MAP2K4: variants seen among roughly 807,000 people sequenced by gnomAD.
MAP2K4 encodes dual specificity mitogen-activated protein kinase kinase 4.
A neutral mutation model predicts 48.5 loss-of-function variants in MAP2K4; 4 were observed. That is an observed-to-expected ratio of 0.08 (90% CI 0.04 to 0.19). The LOEUF (loss-of-function observed/expected upper bound fraction) is 0.19. Among genes scored for constraint, MAP2K4 ranks in the 10% least tolerant of loss-of-function variants. The probability of loss-of-function intolerance (pLI) is 1.00; values close to 1 mark genes in which losing one functional copy is unlikely to be tolerated. For synonymous variants in MAP2K4, 166 were observed against 173.1 expected, an observed-to-expected ratio of 0.96 and a Z score of 0.32; for missense variants, 258 against 493.3, an observed-to-expected ratio of 0.52 and a Z score of 4.52.
At chr17:12,060,915 T>TA (rs1970431889) in intron 2 of MAP2K4, among the ~76,000 whole-genome samples, 1 of 152,178 alleles carries the variant, frequency 6.6e-6, no homozygotes, top group South Asian at 2.1e-4. Context: ...CATCCATCTC[T>TA]AGAACTTTTT....
At chr17:12,123,080 T>C (rs1420212245) in intron 7 of MAP2K4, among the ~76,000 whole-genome samples, 1 of 152,340 alleles carries the variant, frequency 6.6e-6, no homozygotes, top group East Asian at 1.9e-4. Context: ...TTAATTGTCT[T>C]GTAATGACTT....
Position 12,142,480 on chromosome 17 carries a change from T to C in MAP2K4, c.*1220T>C. The C allele has an allele frequency of 8.6e-6, 2 of 232,972 alleles. No individual in the cohort carries two copies. The highest frequency in any genetic ancestry group is 1.7e-5 in the Non-Finnish European group (2 of 117,866). 14.4% of individuals were successfully genotyped at this position (232,972 alleles called of 1,614,324 possible). On this transcript the variant is annotated 3_prime_UTR_variant, in exon 11 of 11. Coordinates refer to ENST00000353533, the MANE Select transcript of MAP2K4 (RefSeq NM_003010.4). ...TAGCAGGGATGTTCCTTACCAAGGA[T>C]TTTTAGCCCCAAATCTCTCATATTC...
chr17:12,120,069 G>T (rs1172592233), intron 7 of MAP2K4, among the ~76,000 whole-genome samples: 1 of 152,180 alleles, frequency 6.6e-6, no homozygotes, highest in Non-Finnish European at 1.5e-5. Context: ...TAGTAACTGG[G>T]TGACCAAATG....
chr17:12,110,532 A>G, intron 6 of MAP2K4, 106 bp downstream of exon 6: 1 of 807,826 alleles, frequency 1.2e-6, no homozygotes. Flanking sequence ...TTCCTAAAAT[A>G]TTTGTATTTT....
intron 2 of MAP2K4, among the ~76,000 whole-genome samples, chr17:12,057,621 C>T (rs1333794858): frequency 6.6e-6 from 1 of 152,002 alleles, no homozygotes; most frequent in Non-Finnish European, 1.5e-5. Flanking sequence ...ACATTTCCTT[C>T]ATGTTTTTCC....
chr17:12,100,054 A>T (rs1477340614), intron 4 of MAP2K4, among the ~76,000 whole-genome samples: 2 of 152,070 alleles, frequency 1.3e-5, no homozygotes, highest in Non-Finnish European at 2.9e-5. Flanking sequence ...CAAGTTTTAA[A>T]TGCAGCTTAT....
chr17:12,066,380 C>T (rs909028966), intron 2 of MAP2K4, among the ~76,000 whole-genome samples: 5 of 152,162 alleles, frequency 3.3e-5, no homozygotes. Context: ...TGTCAGAATA[C>T]ATAATTTATA....
chr17:12,080,434 T>A (rs187029853), intron 2 of MAP2K4, among the ~76,000 whole-genome samples: 2 of 152,158 alleles, frequency 1.3e-5, no homozygotes, highest in Non-Finnish European at 2.9e-5. Context: ...AGAAACAGAT[T>A]GATTTTACAT....
intron 7 of MAP2K4, among the ~76,000 whole-genome samples, chr17:12,118,836 T>C (rs1476617287): frequency 1.3e-5 from 2 of 152,218 alleles, no homozygotes; most frequent in African/African-American, 2.4e-5. Context: ...CAGTCATGCC[T>C]GCTTGGCATA....
At chr17:12,055,976 T>TC in intron 2 of MAP2K4, among the ~76,000 whole-genome samples, 1 of 152,180 alleles carries the variant, frequency 6.6e-6, no homozygotes, top group Middle Eastern at 3.4e-3. Flanking sequence ...CAGCCTAGAG[T>TC]CCCACTCTTT....
At chr17:12,083,885 G>A (rs369704888) in intron 3 of MAP2K4, among the ~76,000 whole-genome samples, 2 of 152,132 alleles carry the variant, frequency 1.3e-5, no homozygotes, top group South Asian at 2.1e-4. Context: ...ACCATGAGAC[G>A]GTGGTTCACA....
intron 4 of MAP2K4, among the ~76,000 whole-genome samples, chr17:12,097,070 A>G (rs1971779704): frequency 1.3e-5 from 2 of 152,198 alleles, no homozygotes; most frequent in Admixed American, 1.3e-4. Flanking sequence ...TTGGACCTAA[A>G]TATTATGTAA....
At chr17:12,113,142 C>G (rs2151577527) in intron 6 of MAP2K4, 91 bp from the exon 7 acceptor site, 2 of 1,214,570 alleles carry the variant, frequency 1.6e-6, no homozygotes, top group Middle Eastern at 2.8e-4. Flanking sequence ...CTTATGTTGT[C>G]TAAGGTTTTT....
intron 1 of MAP2K4, among the ~76,000 whole-genome samples, chr17:12,024,173 T>C (rs984500910): frequency 6.6e-6 from 1 of 152,204 alleles, no homozygotes; most frequent in African/African-American, 2.4e-5. Context: ...TTTCTGGATC[T>C]GAGGACTCTC....
At chr17:12,132,714 A>G (rs532221621) in intron 9 of MAP2K4, among the ~76,000 whole-genome samples, 2 of 152,262 alleles carry the variant, frequency 1.3e-5, no homozygotes, top group South Asian at 4.1e-4. Context: ...GGGTTGATAA[A>G]AAGAATTTAC....
intron 3 of MAP2K4, among the ~76,000 whole-genome samples, chr17:12,083,173 A>G (rs1971247459): frequency 6.6e-6 from 1 of 152,230 alleles, no homozygotes; most frequent in Admixed American, 6.5e-5. Context: ...TTTTAGTAAT[A>G]TGGATTGATT....
At chr17:12,132,371 A>G (rs1973056775) in intron 9 of MAP2K4, among the ~76,000 whole-genome samples, 1 of 152,246 alleles carries the variant, frequency 6.6e-6, no homozygotes, top group Admixed American at 6.5e-5. Context: ...AGCATTATGT[A>G]TACAGCAGTA....
chr17:12,065,651 G>T (rs1970592280), intron 2 of MAP2K4, among the ~76,000 whole-genome samples: 1 of 152,076 alleles, frequency 6.6e-6, no homozygotes, highest in African/African-American at 2.4e-5. Context: ...GGCCAGGCTT[G>T]TCTCGAACTC....
At chr17:12,092,642 C>A (rs1303512362) in intron 3 of MAP2K4, among the ~76,000 whole-genome samples, 1 of 152,128 alleles carries the variant, frequency 6.6e-6, no homozygotes, top group East Asian at 1.9e-4. Flanking sequence ...TAGTTGATCC[C>A]CTTTTGGGGT....
Sources: allele counts gnomAD v4.1 joint callset (sites outside exome capture counted in the v4.1 genomes callset), GRCh38; gene constraint gnomAD v4.1.1; transcripts MANE v1.5; gene names NCBI Gene and HGNC (gene_info 2026-07-23, HGNC 2026-07-21).